Variants in GDA observed in about 807,000 individuals in gnomAD.
GDA encodes guanine deaminase.
GDA carries 18 observed loss-of-function variants against 59.6 expected under a neutral mutation model. The observed-to-expected ratio is 0.30, with a 90% CI of 0.21 to 0.45. The LOEUF (loss-of-function observed/expected upper bound fraction) is 0.45. Among genes scored for constraint, GDA ranks in the 20% least tolerant of loss-of-function variants. GDA has a pLI of 1.00. For synonymous variants in GDA, 201 were observed against 201.1 expected (o/e 1.00, Z 0.00); for missense variants, 427 against 552.3 (o/e 0.77, Z 2.27).
At chr9:72,136,759 A>G (rs1188726008) in intron 1 of GDA, among the ~76,000 whole-genome samples, 1 of 152,136 alleles carries the variant, frequency 6.6e-6, no homozygotes, top group Admixed American at 6.5e-5. Flanking sequence ...GCGGATCACG[A>G]GGTCAGGAGA....
intron 1 of GDA, among the ~76,000 whole-genome samples, chr9:72,177,114 T>TTG (rs1325894158): frequency 6.7e-6 from 1 of 148,604 alleles, no homozygotes; most frequent in Non-Finnish European, 1.5e-5. Context: ...TTTTTTTTTT[T>TTG]TTGAGATGGA....
intron 1 of GDA, among the ~76,000 whole-genome samples, chr9:72,176,895 A>G (rs952900132): frequency 1.3e-5 from 2 of 152,070 alleles, no homozygotes; most frequent in African/African-American, 4.8e-5. Flanking sequence ...TTGTGAAAAC[A>G]TTCTGATTCA....
At chr9:72,198,850 T>TATATATATATATATATATATATATATAG (rs1833557061) in intron 2 of GDA, among the ~76,000 whole-genome samples, 1 of 148,674 alleles carries the variant, frequency 6.7e-6, no homozygotes, top group Non-Finnish European at 1.5e-5. Flanking sequence ...TAGGGGGATA[T>TATATATATATATATATATATATATATAG]ATATATATAT....
chr9:72,178,598 A>G (rs950024998), intron 1 of GDA, among the ~76,000 whole-genome samples: 1 of 151,936 alleles, frequency 6.6e-6, no homozygotes, highest in African/African-American at 2.4e-5. Flanking sequence ...TTGTATTTTT[A>G]GTAGAGGCAG....
intron 9 of GDA, 44 bp from the exon 10 acceptor site, chr9:72,231,070 G>A: frequency 9.1e-7 from 1 of 1,097,360 alleles, no homozygotes; most frequent in South Asian, 1.2e-5. Flanking sequence ...TCTTTTATTG[G>A]AACCACATGG....
chr9:72,231,280 A>T, intron 10 of GDA, 99 bp downstream of exon 10: 1 of 760,624 alleles, frequency 1.3e-6, no homozygotes, highest in East Asian at 2.5e-5. Context: ...TTAAAAAAAA[A>T]AAAAATTAGT....
chr9:72,226,892 C>T (rs1304828953), intron 8 of GDA, among the ~76,000 whole-genome samples: 2 of 152,084 alleles, frequency 1.3e-5, no homozygotes, highest in Non-Finnish European at 2.9e-5. Flanking sequence ...CAGAGGCAGG[C>T]AGATCACGAG....
intron 1 of GDA, among the ~76,000 whole-genome samples, chr9:72,138,012 C>A (rs1017823529): frequency 6.6e-6 from 1 of 152,118 alleles, no homozygotes; most frequent in African/African-American, 2.4e-5. Flanking sequence ...GAGGCTGAGA[C>A]TGCTTCTGTG....
chr9:72,183,638 T>C (rs1316295108), intron 1 of GDA, among the ~76,000 whole-genome samples: 1 of 152,246 alleles, frequency 6.6e-6, no homozygotes, highest in Non-Finnish European at 1.5e-5. Flanking sequence ...TGCGTAATTT[T>C]GGGCAAGGTA....
intron 1 of GDA, among the ~76,000 whole-genome samples, chr9:72,183,892 C>T (rs978561150): frequency 6.6e-6 from 1 of 152,144 alleles, no homozygotes; most frequent in African/African-American, 2.4e-5. Flanking sequence ...GTGTCTTCTA[C>T]AGAGATCAGA....
chr9:72,127,767 G>A (rs775919727), intron 1 of GDA, among the ~76,000 whole-genome samples: 3 of 152,106 alleles, frequency 2.0e-5, no homozygotes, highest in Non-Finnish European at 4.4e-5. Context: ...GTCTTGTCGT[G>A]AGGATCAAAT....
intron 10 of GDA, among the ~76,000 whole-genome samples, chr9:72,234,718 G>A (rs979407747): frequency 5.9e-5 from 9 of 152,264 alleles, no homozygotes; most frequent in African/African-American, 1.4e-4. Flanking sequence ...ACGCTAAATC[G>A]TAACTGAACA....
rs1840441642 is a variant in GDA at position 72,249,089 on chromosome 9, C to T, written c.*747C>T. The T allele has an allele frequency of 1.0e-6, 1 of 975,554 alleles. No homozygotes were observed. Among genetic ancestry groups the T allele is most frequent in the East Asian group, 1.1e-4 (1 of 8,792 alleles). The allele number at this position is 975,554 out of a possible 1,614,324, so 60.4% of individuals were successfully genotyped here. A position where few individuals can be genotyped will look rare whatever the true frequency, so the allele number is the denominator to read the frequency against. On this transcript the variant is annotated 3_prime_UTR_variant, in exon 14 of 14. Transcript: ENST00000358399. ...TCTCTTAGGAATATTATTCATGTAA[C>T]TCCATGGCATAAATAGTTGTATTTT...
rs548474737 is a variant in GDA, at chr9:72,248,969, G to A, written c.*627G>A. ...GTTAGTGTTGTGCTTTGCCTTCTTT[G>A]GCGATGAATGTCAGAAATTGAATGC... On this transcript the variant is annotated 3_prime_UTR_variant, in exon 14 of 14. Coordinates refer to ENST00000358399, the MANE Select transcript of GDA (RefSeq NM_004293.5). 1.3e-3 allele frequency: 1,295 copies of A among 984,172 alleles called. 3 individuals are homozygous for A. Among genetic ancestry groups the A allele is most frequent in the Non-Finnish European group, 1.5e-3 (1,237 of 828,436 alleles). The allele number at this position is 984,172 out of a possible 1,614,324, so 61.0% of individuals were successfully genotyped here.
upstream of GDA, among the ~76,000 whole-genome samples, chr9:72,144,751 A>T (rs1167418486): frequency 1.3e-5 from 2 of 152,150 alleles, no homozygotes; most frequent in Non-Finnish European, 2.9e-5. Context: ...GCCTCTATGG[A>T]TAGGCAAACC....
chr9:72,155,945 A>G (rs1827834365), intron 1 of GDA, among the ~76,000 whole-genome samples: 1 of 152,216 alleles, frequency 6.6e-6, no homozygotes, highest in Non-Finnish European at 1.5e-5. Context: ...AAAGGATAAA[A>G]TGGATTAGTA....
intron 3 of GDA, among the ~76,000 whole-genome samples, chr9:72,208,392 TA>T (rs1834981808): frequency 6.6e-6 from 1 of 152,234 alleles, no homozygotes. Flanking sequence ...AAGCTTCTGC[TA>T]AAGATATGCC....
intron 1 of GDA, among the ~76,000 whole-genome samples, chr9:72,174,761 T>TATAG (rs1554660885): frequency 8.2e-5 from 12 of 145,634 alleles, no homozygotes; most frequent in African/African-American, 1.8e-4. Context: ...TATATATATA[T>TATAG]AGAGAGAGAG....
At chr9:72,166,015 T>G (rs1183575533) in intron 1 of GDA, among the ~76,000 whole-genome samples, 3 of 152,042 alleles carry the variant, frequency 2.0e-5, no homozygotes, top group African/African-American at 4.8e-5. Context: ...CCCTTCTGGG[T>G]GAATGACTGT....
Sources: gnomAD v4.1 joint callset for allele counts (sites outside exome capture counted in the v4.1 genomes callset) on GRCh38, gnomAD v4.1.1 for gene constraint, MANE v1.5 for transcripts, NCBI Gene and HGNC (gene_info 2026-07-23, HGNC 2026-07-21) for gene names.